The following TACR1 variants were observed in gnomAD, a reference collection of about 807,000 sequenced individuals.
The protein encoded by TACR1 is tachykinin receptor 1.
In TACR1, 25 loss-of-function variants were observed where a neutral mutation model predicts 35.8. The observed-to-expected ratio is 0.70, with a 90% CI of 0.51 to 0.98. The LOEUF (loss-of-function observed/expected upper bound fraction) is 0.98, where lower values mean the gene tolerates loss of function less well. TACR1 is among the 50% of genes least tolerant of loss of function. TACR1 has a pLI of 0.00. For synonymous variants in TACR1, 195 were observed against 206.7 expected, an observed-to-expected ratio of 0.94 and a Z score of 0.48; for missense variants, 478 against 522.9, an observed-to-expected ratio of 0.91 and a Z score of 0.84.
At chr2:75,184,659 A>G (rs1368413053) in intron 1 of TACR1, among the ~76,000 whole-genome samples, 1 of 151,618 alleles carries the variant, frequency 6.6e-6, no homozygotes, top group Non-Finnish European at 1.5e-5. Context: ...AAAAAAAACC[A>G]AGGGGAAATA....
intron 1 of TACR1, among the ~76,000 whole-genome samples, chr2:75,194,877 A>G (rs970167245): frequency 2.0e-5 from 3 of 152,166 alleles, no homozygotes; most frequent in Non-Finnish European, 4.4e-5. Flanking sequence ...TGCTATGTGC[A>G]TGGTTTCAAA....
At chr2:75,103,557 A>G (rs1193718641) in intron 2 of TACR1, among the ~76,000 whole-genome samples, 1 of 124,144 alleles carries the variant, frequency 8.1e-6, no homozygotes, top group Non-Finnish European at 1.8e-5. Context: ...TAACATAAAT[A>G]AATGATTGAA....
At chr2:75,102,391 C>G (rs1673549061) in intron 2 of TACR1, among the ~76,000 whole-genome samples, 1 of 152,288 alleles carries the variant, frequency 6.6e-6, no homozygotes. Flanking sequence ...GCAGCAGGAA[C>G]TAACTGATAC....
At chr2:75,197,757 C>T (rs952356243) in intron 1 of TACR1, among the ~76,000 whole-genome samples, 1 of 152,202 alleles carries the variant, frequency 6.6e-6, no homozygotes, top group African/African-American at 2.4e-5. Context: ...GCATGTTTCT[C>T]TGTGGATAGA....
At chr2:75,120,123 A>T (rs539677083) in intron 2 of TACR1, among the ~76,000 whole-genome samples, 68 of 152,280 alleles carry the variant, frequency 4.5e-4, no homozygotes, top group African/African-American at 1.5e-3. Context: ...AAAGGTATAA[A>T]AGAATGGCTA....
At chr2:75,188,304 A>G (rs1675756692) in intron 1 of TACR1, 1 of 152,250 alleles carries the variant, frequency 6.6e-6, no homozygotes, top group African/African-American at 2.4e-5. Flanking sequence ...ACAGTAAAAT[A>G]AAATTAATAA....
intron 1 of TACR1, among the ~76,000 whole-genome samples, chr2:75,136,529 A>G (rs1674293740): frequency 6.6e-6 from 1 of 152,132 alleles, no homozygotes; most frequent in South Asian, 2.1e-4. Context: ...TCTGTGAACG[A>G]GTCTAGGGCC....
chr2:75,154,440 A>T (rs1264770850), intron 1 of TACR1: 3 of 102,230 alleles, frequency 2.9e-5, no homozygotes, highest in African/African-American at 1.1e-4. Flanking sequence ...ACACACACAC[A>T]CACACACACA....
intron 1 of TACR1, chr2:75,156,060 C>T (rs1203324165): frequency 1.3e-5 from 2 of 152,242 alleles, no homozygotes; most frequent in Non-Finnish European, 2.9e-5. Flanking sequence ...TCCTGGAACA[C>T]AGTCACACTA....
In TACR1 at chr2:75,049,328, C is replaced by A; in HGVS notation, c.*104G>T. 7.7e-7 allele frequency: 1 copy of A among 1,305,670 alleles called. No homozygotes were observed. The allele number at this position is 1,305,670 out of a possible 1,614,324, so 80.9% of individuals were successfully genotyped here. On this transcript the variant is annotated 3_prime_UTR_variant, in exon 5 of 5. Transcript: ENST00000305249. ...CCATACTGACCCTTTTTGCAAGTCC[C>A]AGTGTGAGGGTGTTTCTGATGGTTC...
Position 75,049,515 on chromosome 2 carries a change from C to G in TACR1, c.1141G>C (p.Asp381His). Reference sequence around the variant, plus strand: ...CGTGAAGAGCAGTTGGAGGTCAGGTCCAGGGACGAGGGTGTGGCCTTGGGG... The same window carrying G: ...CGTGAAGAGCAGTTGGAGGTCAGGTGCAGGGACGAGGGTGTGGCCTTGGGG... ...DGPKATPSSLDLTSNCSSRSD... is the reference protein window; with the variant it reads ...DGPKATPSSLHLTSNCSSRSD... Residue 381 changes from aspartate (D) to histidine (H), a missense_variant, in exon 5 of 5, where the codon GAC becomes CAC. Coordinates refer to ENST00000305249, the MANE Select transcript of TACR1 (RefSeq NM_001058.4). The G allele has an allele frequency of 6.2e-7, 1 of 1,614,158 alleles. No homozygotes were observed.
chr2:75,103,803 G>C (rs1286289081), intron 2 of TACR1, among the ~76,000 whole-genome samples: 1 of 151,980 alleles, frequency 6.6e-6, no homozygotes, highest in Non-Finnish European at 1.5e-5. Context: ...GGTGGAGTAG[G>C]GGATACAAGC....
intron 2 of TACR1, among the ~76,000 whole-genome samples, chr2:75,108,860 A>G (rs1454865259): frequency 1.3e-5 from 2 of 152,220 alleles, no homozygotes; most frequent in Admixed American, 1.3e-4. Flanking sequence ...AAATTTGTAC[A>G]TAATACTCAA....
chr2:75,162,920 G>A (rs928003692), intron 1 of TACR1, among the ~76,000 whole-genome samples: 1 of 152,132 alleles, frequency 6.6e-6, no homozygotes, highest in African/African-American at 2.4e-5. Context: ...AGACTACTGG[G>A]CCTACCTCAT....
At chr2:75,054,637 G>C (rs758027838) in intron 2 of TACR1, among the ~76,000 whole-genome samples, 13 of 152,076 alleles carry the variant, frequency 8.5e-5, no homozygotes, top group Non-Finnish European at 1.6e-4. Flanking sequence ...TAAGGTTTTT[G>C]AATTTTGGGA....
chr2:75,073,210 C>T (rs1386551643), intron 2 of TACR1, among the ~76,000 whole-genome samples: 1 of 152,218 alleles, frequency 6.6e-6, no homozygotes, highest in Non-Finnish European at 1.5e-5. Context: ...CACAATCACC[C>T]TGATTGGAGC....
At chr2:75,135,719 CAG>C (rs1674274356) in intron 1 of TACR1, among the ~76,000 whole-genome samples, 1 of 152,184 alleles carries the variant, frequency 6.6e-6, no homozygotes, top group South Asian at 2.1e-4. Flanking sequence ...GCTAATTCCA[CAG>C]AGACACTTCA....
chr2:75,156,242 C>T (rs1391890131), intron 1 of TACR1: 1 of 152,044 alleles, frequency 6.6e-6, no homozygotes, highest in Non-Finnish European at 1.5e-5. Flanking sequence ...GGCCATGTCA[C>T]AACAAGTGGA....
rs953505925 is a variant in TACR1 at position 75,199,058 on chromosome 2, T to C, written c.-124A>G. 4.9e-6 allele frequency: 6 copies of C among 1,212,894 alleles called. No homozygotes were observed. The African/African-American group carries it at 9.2e-5, about 19-fold the overall frequency. 75.1% of individuals were successfully genotyped at this position (1,212,894 alleles called of 1,614,324 possible). ...AGACAGGAGGGTGGAAGGCTTTTTC[T>C]GGGCAGCACTCTTTTTGAAAGCTGA... On this transcript the variant is annotated 5_prime_UTR_variant, in exon 1 of 5. Transcript: ENST00000305249.
Sources: allele counts gnomAD v4.1 joint callset (sites outside exome capture counted in the v4.1 genomes callset), GRCh38; gene constraint gnomAD v4.1.1; transcripts MANE v1.5; gene names NCBI Gene and HGNC (gene_info 2026-07-23, HGNC 2026-07-21).